The following TBC1D5 variants were observed in gnomAD, a reference collection of about 807,000 sequenced individuals.
TBC1D5 encodes the protein TBC1 domain family, member 5.
Under a neutral mutation model 100.3 loss-of-function variants are expected in TBC1D5, and 75 were observed. The ratio of observed to expected loss-of-function variants is 0.75; its 90% CI spans 0.62 to 0.91. The LOEUF (loss-of-function observed/expected upper bound fraction) is 0.91. TBC1D5 is among the 40% of genes least tolerant of loss of function. The probability of loss-of-function intolerance (pLI) is 0.00; values close to 1 mark genes in which losing one functional copy is unlikely to be tolerated. For synonymous variants in TBC1D5, 323 were observed against 325.6 expected (o/e 0.99, Z 0.09); for missense variants, 910 against 942.4 (o/e 0.97, Z 0.45).
chr3:17,633,838 T>C (rs2063689736), intron 1 of TBC1D5, among the ~76,000 whole-genome samples: 1 of 152,196 alleles, frequency 6.6e-6, no homozygotes, highest in African/African-American at 2.4e-5. Flanking sequence ...CCAACCCTTC[T>C]AGGAACTCCA....
intron 3 of TBC1D5, among the ~76,000 whole-genome samples, chr3:17,458,421 C>T (rs544546460): frequency 6.6e-6 from 1 of 152,114 alleles, no homozygotes; most frequent in African/African-American, 2.4e-5. Flanking sequence ...TTCCTCACCA[C>T]GGAGGGCATT....
At chr3:17,451,360 CA>C (rs1203669264) in intron 3 of TBC1D5, among the ~76,000 whole-genome samples, 1 of 152,092 alleles carries the variant, frequency 6.6e-6, no homozygotes, top group African/African-American at 2.4e-5. Context: ...AGACACTTCA[CA>C]AAAGAAAACA....
rs186840251 is a variant in TBC1D5 at position 17,159,428 on chromosome 3, T to G, written c.*1535A>C. The G allele has an allele frequency of 2.6e-5, 4 of 152,350 alleles. No individual in the cohort carries two copies. The East Asian group carries it at 7.7e-4, about 29-fold the overall frequency. The allele number at this position is 152,350 out of a possible 1,614,324, so 9.4% of individuals were successfully genotyped here. A position where few individuals can be genotyped will look rare whatever the true frequency, so the allele number is the denominator to read the frequency against. On this transcript the variant is annotated 3_prime_UTR_variant, in exon 22 of 22. Coordinates refer to ENST00000253692, the Ensembl canonical transcript of TBC1D5. Reference sequence around the variant, plus strand: ...TATACTGAGCTTTCATTTGTTACCATGAAGGCCTCCACTGCCCGGCTGCCT... The same window carrying G: ...TATACTGAGCTTTCATTTGTTACCAGGAAGGCCTCCACTGCCCGGCTGCCT...
At chr3:17,525,136 A>AT (rs1394645267) in intron 2 of TBC1D5, among the ~76,000 whole-genome samples, 7 of 149,872 alleles carry the variant, frequency 4.7e-5, no homozygotes, top group Admixed American at 6.7e-5. Flanking sequence ...GGACATGAGG[A>AT]TTTTTTTTTT....
At chr3:17,706,213 C>T in intron 1 of TBC1D5, 1 of 1,550,450 alleles carries the variant, frequency 6.4e-7, no homozygotes, top group Non-Finnish European at 8.7e-7. Context: ...GCGGCGAGGC[C>T]CAGGCTGTGG....
chr3:17,187,134 T>G (rs1269354364), intron 18 of TBC1D5, among the ~76,000 whole-genome samples: 1 of 152,190 alleles, frequency 6.6e-6, no homozygotes, highest in Admixed American at 6.5e-5. Context: ...TGATTGAGGT[T>G]AGTCTCCAAA....
rs947018049 is a variant in TBC1D5 at position 17,589,831 on chromosome 3, T to A, written c.-36+34018A>T. Among the ~76,000 whole-genome samples the A allele has an allele frequency of 4.6e-5, 7 of 152,206 alleles. No homozygotes were observed. In the South Asian group the frequency reaches 8.3e-4, roughly 18 times the overall value. ...ATTGTCTCTGCCCTCATAGAACTTATATTTTACTTGGGGAGACAGCATCCA... is the reference window on the plus strand; with the variant it reads ...ATTGTCTCTGCCCTCATAGAACTTAAATTTTACTTGGGGAGACAGCATCCA... On this transcript the variant is annotated intron_variant, in intron 2 of 21. Coordinates refer to ENST00000253692, the Ensembl canonical transcript of TBC1D5.
chr3:17,476,673 G>A (rs984538288), intron 3 of TBC1D5, among the ~76,000 whole-genome samples: 24 of 151,814 alleles, frequency 1.6e-4, no homozygotes, highest in Admixed American at 1.5e-3. Context: ...TGAATCTATA[G>A]ATCAATTTGG....
At chr3:17,647,713 C>T (rs1332955827) in intron 1 of TBC1D5, among the ~76,000 whole-genome samples, 1 of 152,074 alleles carries the variant, frequency 6.6e-6, no homozygotes, top group Non-Finnish European at 1.5e-5. Flanking sequence ...GTCTTAAGCC[C>T]ATCGTAAACT....
At chr3:17,362,060 C>A (rs937797874) in intron 13 of TBC1D5, among the ~76,000 whole-genome samples, 14 of 152,034 alleles carry the variant, frequency 9.2e-5, no homozygotes, top group African/African-American at 2.9e-4. Context: ...AGTCTTTCCA[C>A]AAATGGTTCT....
chr3:17,628,952 G>C (rs533423273), intron 1 of TBC1D5, among the ~76,000 whole-genome samples: 43 of 152,164 alleles, frequency 2.8e-4, no homozygotes, highest in African/African-American at 9.2e-4. Context: ...GACAGCACAC[G>C]GAGTGTAAAA....
At chr3:17,704,431 G>A (rs1362135754) in intron 1 of TBC1D5, among the ~76,000 whole-genome samples, 1 of 150,380 alleles carries the variant, frequency 6.6e-6, no homozygotes, top group Non-Finnish European at 1.5e-5. Context: ...TCAATGAGCT[G>A]TTGGGCACAC....
At chr3:17,475,187 C>CG (rs1404227625) in intron 3 of TBC1D5, among the ~76,000 whole-genome samples, 1 of 151,518 alleles carries the variant, frequency 6.6e-6, no homozygotes, top group African/African-American at 2.4e-5. Context: ...CCGCCCCACC[C>CG]GTTTATATAT....
chr3:17,516,621 T>C (rs551996461), intron 2 of TBC1D5, among the ~76,000 whole-genome samples: 2 of 152,346 alleles, frequency 1.3e-5, no homozygotes, highest in South Asian at 2.1e-4. Flanking sequence ...TTTTTGTAAA[T>C]GCAAACTATG....
chr3:17,246,475 A>G (rs1290264051), intron 16 of TBC1D5, among the ~76,000 whole-genome samples: 3 of 152,212 alleles, frequency 2.0e-5, no homozygotes, highest in Admixed American at 6.5e-5. Flanking sequence ...TGAAAGTAAT[A>G]AAAAAGAACA....
At chr3:17,488,644 T>A (rs1317357695) in intron 3 of TBC1D5, among the ~76,000 whole-genome samples, 1 of 152,242 alleles carries the variant, frequency 6.6e-6, no homozygotes, top group African/African-American at 2.4e-5. Flanking sequence ...GCATTTTATG[T>A]TGTCATTGTT....
chr3:17,206,376 A>G lies in TBC1D5; in HGVS notation c.1752+7831T>C, dbSNP rs546273148. ...GCATCTTCATTAGGATTGCTCTCTT[A>G]TATTTCTTAAACAGATATAATGTCT... is the stretch of plus-strand genomic sequence containing the variant. On this transcript the variant is annotated intron_variant, in intron 18 of 21. Transcript: ENST00000253692. Among the ~76,000 whole-genome samples the G allele has an allele frequency of 3.3e-5, 5 of 152,208 alleles. No individual in the cohort carries two copies. The South Asian group carries it at 1.0e-3, about 32-fold the overall frequency.
chr3:17,217,036 AC>A (rs1409434577), intron 17 of TBC1D5, among the ~76,000 whole-genome samples: 2 of 152,080 alleles, frequency 1.3e-5, no homozygotes, highest in Non-Finnish European at 1.5e-5. Flanking sequence ...TTTCCAGTAT[AC>A]CCCCTCTTCC....
At chr3:17,228,014 A>C (rs960146843) in intron 17 of TBC1D5, among the ~76,000 whole-genome samples, 4 of 152,106 alleles carry the variant, frequency 2.6e-5, no homozygotes, top group Non-Finnish European at 5.9e-5. Flanking sequence ...TCTCATGTTA[A>C]GGGGTCTGGC....
Sources: allele counts gnomAD v4.1 joint callset (sites outside exome capture counted in the v4.1 genomes callset), GRCh38; gene constraint gnomAD v4.1.1; transcripts MANE v1.5; gene names NCBI Gene and HGNC (gene_info 2026-07-23, HGNC 2026-07-21).